Variants in SYNE2 observed in about 807,000 individuals in gnomAD.
SYNE2 encodes the protein nesprin-2.
Under a neutral mutation model 856.3 loss-of-function variants are expected in SYNE2, and 431 were observed. The ratio of observed to expected loss-of-function variants is 0.50; its 90% CI spans 0.47 to 0.55. SYNE2 has a LOEUF of 0.55. Among genes scored for constraint, SYNE2 ranks in the 20% least tolerant of loss-of-function variants. The pLI is 0.00. For missense variants in SYNE2, 8,129 were observed against 8,023.2 expected (o/e 1.01, Z -0.50); for synonymous variants, 2,923 against 2,872.3 (o/e 1.02, Z -0.56).
chr14:63,836,701 C>T (rs925092425), intron 1 of SYNE2, among the ~76,000 whole-genome samples: 1 of 152,288 alleles, frequency 6.6e-6, no homozygotes. Context: ...TGAATTATTG[C>T]AATGGCCTCA....
rs540679427 is a variant in SYNE2 at position 63,944,440 on chromosome 14, T to C, written c.408+2297T>C. ...TGCCCTTAAGGTAAAACCTTTGCGATACAATCTTAATTATTTCCACAGGTC... is the reference window on the plus strand; with the variant it reads ...TGCCCTTAAGGTAAAACCTTTGCGACACAATCTTAATTATTTCCACAGGTC... On this transcript the variant is annotated intron_variant, in intron 6 of 115. Coordinates refer to ENST00000555002, the MANE Select transcript of SYNE2 (RefSeq NM_182914.3). Among the ~76,000 whole-genome samples, 6 of 151,210 alleles carry C rather than the reference T, an allele frequency of 4.0e-5. No individual in the cohort carries two copies. The South Asian group carries it at 1.2e-3, about 31-fold the overall frequency.
intron 52 of SYNE2, among the ~76,000 whole-genome samples, chr14:64,073,189 T>TAC (rs2097426354): frequency 6.6e-6 from 1 of 152,136 alleles, no homozygotes; most frequent in Non-Finnish European, 1.5e-5. Context: ...GTTGGGGGTG[T>TAC]GTGTTGGAGG....
intron 41 of SYNE2, 61 bp downstream of exon 41, chr14:64,025,482 G>T (rs1417995814): frequency 6.6e-7 from 1 of 1,505,384 alleles, no homozygotes; most frequent in East Asian, 2.3e-5. Context: ...AAAAGATTTA[G>T]AGGAAAACTG....
At chr14:64,218,172 C>T in intron 108 of SYNE2, 2 of 504,200 alleles carry the variant, frequency 4.0e-6, no homozygotes, top group Non-Finnish European at 7.3e-6. Context: ...GACATCTCAT[C>T]TGCTTCCCTC....
intron 2 of SYNE2, among the ~76,000 whole-genome samples, chr14:63,936,491 G>A (rs1470188198): frequency 1.3e-5 from 2 of 152,164 alleles, no homozygotes; most frequent in Non-Finnish European, 2.9e-5. Flanking sequence ...GGATTTGAAG[G>A]AGGTGAGGGA....
chr14:64,029,281 C>T (rs2097011418), intron 43 of SYNE2, among the ~76,000 whole-genome samples: 1 of 152,138 alleles, frequency 6.6e-6, no homozygotes, highest in South Asian at 2.1e-4. Flanking sequence ...GAACAGATAG[C>T]AGAAGTTGGG....
At chr14:63,827,347 G>A (rs548068988) in intron 1 of SYNE2, among the ~76,000 whole-genome samples, 13 of 151,210 alleles carry the variant, frequency 8.6e-5, no homozygotes, top group African/African-American at 2.4e-4. Flanking sequence ...TGTGCAGGCC[G>A]GGCGCGGTGG....
chr14:63,841,000 G>C (rs953814684), intron 1 of SYNE2, among the ~76,000 whole-genome samples: 2 of 152,014 alleles, frequency 1.3e-5, no homozygotes, highest in Non-Finnish European at 2.9e-5. Context: ...GGCAACAGGA[G>C]CAAAACTCTG....
chr14:64,098,464 G>A (rs996888321), intron 62 of SYNE2: 7 of 584,108 alleles, frequency 1.2e-5, no homozygotes, highest in African/African-American at 3.7e-5. Flanking sequence ...CTCAAGAAGG[G>A]CCCAGTGCCT....
chr14:63,947,762 G>C lies in SYNE2; in HGVS notation c.409-2063G>C, dbSNP rs138255140. Among the ~76,000 whole-genome samples, 160 of 152,178 alleles carry C rather than the reference G, an allele frequency of 1.1e-3. 2 individuals carry two copies. In the East Asian group the frequency reaches 0.015, roughly 14 times the overall value. ...TGAGGCAGGAGAATCGCTTGAACCT[G>C]GGAGGCGGAGGTTGCGGTGAGCCGA... On this transcript the variant is annotated intron_variant, in intron 6 of 115. Coordinates refer to ENST00000555002, the MANE Select transcript of SYNE2 (RefSeq NM_182914.3).
chr14:63,997,507 A>T, intron 25 of SYNE2, 116 bp downstream of exon 25: 1 of 922,204 alleles, frequency 1.1e-6, no homozygotes, highest in South Asian at 1.4e-5. Context: ...GTTTTTATCA[A>T]TGGAGAATTT....
intron 1 of SYNE2, among the ~76,000 whole-genome samples, chr14:63,904,761 G>C (rs2095386648): frequency 6.6e-6 from 1 of 151,956 alleles, no homozygotes; most frequent in Non-Finnish European, 1.5e-5. Context: ...CATTCTGTAG[G>C]TTGTTTACTT....
intron 1 of SYNE2, among the ~76,000 whole-genome samples, chr14:63,887,379 C>T (rs2095017710): frequency 6.6e-6 from 1 of 152,210 alleles, no homozygotes; most frequent in Admixed American, 6.5e-5. Flanking sequence ...AGAATTTTCC[C>T]TCTAGTTTCC....
chr14:63,843,890 A>T (rs1224693199), intron 1 of SYNE2, among the ~76,000 whole-genome samples: 1 of 152,148 alleles, frequency 6.6e-6, no homozygotes, highest in Non-Finnish European at 1.5e-5. Flanking sequence ...GCAATTTTAG[A>T]TTTACAGCAA....
chr14:63,975,377 G>C (rs2096533913), intron 11 of SYNE2, among the ~76,000 whole-genome samples: 1 of 152,134 alleles, frequency 6.6e-6, no homozygotes. Context: ...CTGTCATCCA[G>C]GCTGGAGTGC....
chr14:64,153,443 T>G (rs1160941421), intron 85 of SYNE2, among the ~76,000 whole-genome samples: 2 of 152,224 alleles, frequency 1.3e-5, no homozygotes, highest in Admixed American at 1.3e-4. Context: ...TGTCCATGTT[T>G]CCTAGAGAAC....
At chr14:64,073,265 A>G (rs2097427485) in intron 52 of SYNE2, among the ~76,000 whole-genome samples, 1 of 152,114 alleles carries the variant, frequency 6.6e-6, no homozygotes, top group African/African-American at 2.4e-5. Context: ...ACCAGCCCTC[A>G]TCCTGAGGCT....
intron 1 of SYNE2, among the ~76,000 whole-genome samples, chr14:63,844,832 G>A (rs1566603169): frequency 6.6e-6 from 1 of 152,066 alleles, no homozygotes; most frequent in Non-Finnish European, 1.5e-5. Context: ...ATCTCTTGAG[G>A]CTGGGAGTTC....
At chr14:64,175,678 A>G (rs2098431553) in intron 95 of SYNE2, among the ~76,000 whole-genome samples, 1 of 151,938 alleles carries the variant, frequency 6.6e-6, no homozygotes, top group African/African-American at 2.4e-5. Flanking sequence ...GGTTTTTATC[A>G]TTTTTCTTTC....
Sources: gnomAD v4.1 joint callset for allele counts (sites outside exome capture counted in the v4.1 genomes callset) on GRCh38, gnomAD v4.1.1 for gene constraint, MANE v1.5 for transcripts, NCBI Gene and HGNC (gene_info 2026-07-23, HGNC 2026-07-21) for gene names.